Variants in ZFHX3 observed in about 807,000 individuals in gnomAD.
ZFHX3 encodes zinc finger homeobox protein 3.
A neutral mutation model predicts 279.1 loss-of-function variants in ZFHX3; 42 were observed. That is an observed-to-expected ratio of 0.15 (90% CI 0.12 to 0.19). The LOEUF is 0.19. Among genes scored for constraint, ZFHX3 ranks in the 10% least tolerant of loss-of-function variants. The pLI is 1.00. For missense variants in ZFHX3, 4,981 were observed against 4,754.0 expected (o/e 1.05, Z -1.40); for synonymous variants, 2,293 against 1,957.8 (o/e 1.17, Z -4.52).
At chr16:72,983,737 G>T (rs990252327) in intron 1 of ZFHX3, among the ~76,000 whole-genome samples, 2 of 151,270 alleles carry the variant, frequency 1.3e-5, no homozygotes, top group African/African-American at 4.8e-5. Context: ...AGAGAGAAAG[G>T]CTGCTTAAGC....
At chr16:73,310,229 G>A (rs756502584) in intron 4 of ZFHX3, among the ~76,000 whole-genome samples, 12 of 152,110 alleles carry the variant, frequency 7.9e-5, no homozygotes, top group Non-Finnish European at 1.2e-4. Flanking sequence ...CTTTCTAACA[G>A]AGACAATGGC....
At chr16:72,978,473 C>T (rs986998713) in intron 1 of ZFHX3, among the ~76,000 whole-genome samples, 5 of 152,174 alleles carry the variant, frequency 3.3e-5, no homozygotes, top group Admixed American at 3.3e-4. Flanking sequence ...TAAGCCTCAA[C>T]TTCCCAGCCA....
At chr16:73,011,760 T>C (rs1306325845) in intron 1 of ZFHX3, among the ~76,000 whole-genome samples, 1 of 151,088 alleles carries the variant, frequency 6.6e-6, no homozygotes, top group Non-Finnish European at 1.5e-5. Context: ...CTGTGGATTC[T>C]TAAGCTTTAA....
chr16:72,953,398 G>A (rs190833272), intron 2 of ZFHX3, among the ~76,000 whole-genome samples: 41 of 152,198 alleles, frequency 2.7e-4, no homozygotes, highest in African/African-American at 9.2e-4. Context: ...GAAACTGCCC[G>A]GAGGGTAAGA....
At chr16:73,322,302 A>G (rs2015591167) in intron 3 of ZFHX3, among the ~76,000 whole-genome samples, 2 of 151,576 alleles carry the variant, frequency 1.3e-5, no homozygotes, top group Non-Finnish European at 2.9e-5. Flanking sequence ...GCAGCTTATG[A>G]TATACTTTTC....
chr16:72,891,333 G>A (rs1287854805), intron 3 of ZFHX3, among the ~76,000 whole-genome samples: 1 of 152,142 alleles, frequency 6.6e-6, no homozygotes, highest in African/African-American at 2.4e-5. Context: ...ATTCATGTCT[G>A]GGGTATCAGA....
At chr16:72,944,854 G>GA (rs1038527077) in intron 3 of ZFHX3, among the ~76,000 whole-genome samples, 5 of 151,084 alleles carry the variant, frequency 3.3e-5, no homozygotes, top group East Asian at 1.9e-4. Flanking sequence ...AAGAGAGAGA[G>GA]AAAAAAAACA....
chr16:72,784,116 T>C lies in ZFHX3; in HGVS notation c.*3048A>G, dbSNP rs961417865. 6.6e-6 allele frequency: 1 copy of C among 152,606 alleles called. No homozygotes were observed. The highest frequency in any genetic ancestry group is 2.4e-5 in the African/African-American group (1 of 41,428). The allele number at this position is 152,606 out of a possible 1,614,324, so 9.5% of individuals were successfully genotyped here. On this transcript the variant is annotated 3_prime_UTR_variant, in exon 10 of 10. Coordinates refer to ENST00000268489, the MANE Select transcript of ZFHX3 (RefSeq NM_006885.4). Reference sequence around the variant, plus strand: ...AATCACATAACCCCTCTGAGAACACTAGGTGGGTGGAAGTGTGCTCAGCCA... The same window carrying C: ...AATCACATAACCCCTCTGAGAACACCAGGTGGGTGGAAGTGTGCTCAGCCA...
chr16:72,875,348 C>T (rs1280463951), intron 4 of ZFHX3, among the ~76,000 whole-genome samples: 1 of 152,234 alleles, frequency 6.6e-6, no homozygotes, highest in Non-Finnish European at 1.5e-5. Context: ...TGGTTGTGAG[C>T]CCAGCCCTGC....
chr16:72,798,375 C>T lies in ZFHX3; in HGVS notation c.4307G>A (p.Arg1436His), dbSNP rs1463858212. The T allele has an allele frequency of 4.3e-6, 7 of 1,614,190 alleles. 1 individual carries two copies. Among genetic ancestry groups the T allele is most frequent in the Middle Eastern group, 3.3e-4 (2 of 6,062 alleles). The change falls in exon 9 of 10, where the codon CGC becomes CAC. Residue 1436 changes from arginine (R) to histidine (H), a missense_variant. Arg to His is a conservative substitution (Grantham distance 29). This residue lies in a region of ZFHX3 where 1,751 missense variants were observed against 1,770.0 expected (regional missense o/e 0.99). Transcript: ENST00000268489. Reference sequence around the variant, plus strand: ...CAGAGCCTGGAAAGTTCGGAAACTGCGCTGACAAAGACAGCACATGGTGGC... The same window carrying T: ...CAGAGCCTGGAAAGTTCGGAAACTGTGCTGACAAAGACAGCACATGGTGGC... ...RAATMCCLCQRSFRTFQALKK... is the reference protein window; with the variant it reads ...RAATMCCLCQHSFRTFQALKK...
At chr16:73,026,474 C>G (rs180993956) in intron 1 of ZFHX3, among the ~76,000 whole-genome samples, 1 of 151,840 alleles carries the variant, frequency 6.6e-6, no homozygotes, top group African/African-American at 2.4e-5. Flanking sequence ...GAGTTCGAGA[C>G]CAGCCTGACC....
chr16:73,189,797 G>T (rs955419368), intron 5 of ZFHX3, among the ~76,000 whole-genome samples: 1 of 152,166 alleles, frequency 6.6e-6, no homozygotes, highest in Non-Finnish European at 1.5e-5. Flanking sequence ...TCTGTATGGT[G>T]AAAGTGTAAG....
intron 4 of ZFHX3, among the ~76,000 whole-genome samples, chr16:72,832,356 C>G (rs959242197): frequency 6.6e-6 from 1 of 152,102 alleles, no homozygotes; most frequent in Non-Finnish European, 1.5e-5. Flanking sequence ...TCCTGGAGCT[C>G]TCATTCTGTG....
chr16:73,220,428 C>T (rs753510816), intron 5 of ZFHX3, among the ~76,000 whole-genome samples: 1 of 151,024 alleles, frequency 6.6e-6, no homozygotes, highest in African/African-American at 2.4e-5. Flanking sequence ...AAATGTAAAC[C>T]AATTAAAAAA....
intron 2 of ZFHX3, among the ~76,000 whole-genome samples, chr16:73,624,916 A>G (rs1037347614): frequency 6.6e-6 from 1 of 152,224 alleles, no homozygotes; most frequent in African/African-American, 2.4e-5. Context: ...CAGATGTGCT[A>G]TAGTAATGAA....
Position 73,033,151 on chromosome 16 carries a change from T to C in ZFHX3, c.-50+14601A>G, listed in dbSNP as rs1964769275. Among the ~76,000 whole-genome samples the C allele has an allele frequency of 2.0e-5, 3 of 151,938 alleles. No individual in the cohort carries two copies. The South Asian group carries it at 6.3e-4, about 32-fold the overall frequency. On this transcript the variant is annotated intron_variant, in intron 1 of 9. Coordinates refer to ENST00000268489, the MANE Select transcript of ZFHX3 (RefSeq NM_006885.4). ...CACCACCCTCCATGGACAGGTGACC[T>C]CAGCTGCCAGACACCTCCTTACCCC...
At chr16:73,615,666 T>A (rs2052292550) in intron 2 of ZFHX3, among the ~76,000 whole-genome samples, 1 of 152,160 alleles carries the variant, frequency 6.6e-6, no homozygotes, top group African/African-American at 2.4e-5. Context: ...AGTGGATGAT[T>A]CACAGCAACT....
chr16:73,102,729 T>A lies in ZFHX3; in HGVS notation c.-896-9131A>T, dbSNP rs77501657. ...CCCAGCTCTATCGCTTATTGGACGA[T>A]CTTTGATAAGTTCCTTACCTCTCTA... is the stretch of plus-strand genomic sequence containing the variant. On this transcript the variant is annotated intron_variant, in intron 7 of 17. Transcript: ENST00000641206. 6.3e-3 allele frequency among the ~76,000 whole-genome samples: 959 copies of A among 152,312 alleles called. 13 individuals carry two copies. Among genetic ancestry groups the A allele is most frequent in the African/African-American group, 0.022 (901 of 41,572 alleles).
intron 4 of ZFHX3, among the ~76,000 whole-genome samples, chr16:72,843,915 C>T (rs1223843771): frequency 6.6e-6 from 1 of 152,188 alleles, no homozygotes; most frequent in Non-Finnish European, 1.5e-5. Flanking sequence ...ACCTGGTACC[C>T]TGTTAACTTC....
Sources: allele counts gnomAD v4.1 joint callset (sites outside exome capture counted in the v4.1 genomes callset), GRCh38; gene constraint gnomAD v4.1.1; regional missense constraint gnomAD v4.1.1; transcripts MANE v1.5; gene names NCBI Gene and HGNC (gene_info 2026-07-23, HGNC 2026-07-21).